Variants in FREM3 observed in about 807,000 individuals in gnomAD.
FREM3 encodes the protein FRAS1 related extracellular matrix 3, also known as FRAS1-related extracellular matrix protein 3.
A neutral mutation model predicts 129.1 loss-of-function variants in FREM3; 105 were observed. That is an observed-to-expected ratio of 0.81 (90% CI 0.69 to 0.96). The LOEUF is 0.96. Among genes scored for constraint, FREM3 ranks in the 40% least tolerant of loss-of-function variants. FREM3 has a pLI of 0.00. For synonymous variants in FREM3, 1,014 were observed against 1,044.9 expected, an observed-to-expected ratio of 0.97 and a Z score of 0.57; for missense variants, 2,593 against 2,666.3, an observed-to-expected ratio of 0.97 and a Z score of 0.61.
At chr4:143,691,179 ATT>A (rs1188861776) in intron 2 of FREM3, among the ~76,000 whole-genome samples, 1 of 152,158 alleles carries the variant, frequency 6.6e-6, no homozygotes, top group African/African-American at 2.4e-5. Context: ...ATCCTCAAAT[ATT>A]TTGGACTCTG....
Position 143,700,217 on chromosome 4 carries a change from C to T in FREM3, c.459G>A (p.Val153=). The T allele has an allele frequency of 2.0e-6, 3 of 1,537,006 alleles. No individual in the cohort carries two copies. Among genetic ancestry groups the T allele is most frequent in the Non-Finnish European group, 2.6e-6 (3 of 1,146,892 alleles). The change falls in exon 1 of 8, where the codon GTG becomes GTA. Residue 153 remains valine, a synonymous_variant. Transcript: ENST00000329798. The part of the protein sequence containing the change: ...LRYDAPTHTL[V]LPFTLAVDLV... ...AGTCCACCGCCAGCGTGAAGGGCAG[C>T]ACCAGAGTGTGAGTCGGGGCGTCGT...
chr4:143,637,179 G>A (rs1739246251), intron 2 of FREM3, among the ~76,000 whole-genome samples: 2 of 152,174 alleles, frequency 1.3e-5, no homozygotes, highest in Admixed American at 1.3e-4. Context: ...ATGCTTCACA[G>A]TGAGAAATGT....
At chr4:143,620,864 G>A (rs893072601) in intron 5 of FREM3, among the ~76,000 whole-genome samples, 173 bp downstream of exon 5, 1 of 152,120 alleles carries the variant, frequency 6.6e-6, no homozygotes. Flanking sequence ...AGAGGAGTAG[G>A]GCACCTGCAC....
At chr4:143,650,035 GC>G in intron 2 of FREM3, among the ~76,000 whole-genome samples, 1 of 152,282 alleles carries the variant, frequency 6.6e-6, no homozygotes, top group Non-Finnish European at 1.5e-5. Context: ...CCCATTCATT[GC>G]TTTTGTCATG....
At position 143,699,626 on chromosome 4, in the gene FREM3, G is replaced by T; in HGVS notation, c.1050C>A (p.Pro350=). The change falls in exon 1 of 8, where the codon CCC becomes CCA. Residue 350 remains proline, a synonymous_variant. Transcript: ENST00000329798. The surrounding 1 kb of genome is among the most constrained non-coding windows in gnomAD (Gnocchi z 4.2). ...GCCCCGGGTGCCCTGGTGGGTGAGT[G>T]GGGGCGTTCAGAATGTTGAACACCA... ...GDLVFNILNA[P]THPPGHPGQQ... The T allele has an allele frequency of 2.0e-6, 3 of 1,530,128 alleles. No individual in the cohort carries two copies. Among genetic ancestry groups the T allele is most frequent in the Non-Finnish European group, 2.6e-6 (3 of 1,142,372 alleles). The allele number at this position is 1,530,128 out of a possible 1,614,324, so 94.8% of individuals were successfully genotyped here.
chr4:143,601,307 T>C (rs1262803430), intron 6 of FREM3, among the ~76,000 whole-genome samples: 1 of 152,204 alleles, frequency 6.6e-6, no homozygotes, highest in Non-Finnish European at 1.5e-5. Flanking sequence ...TTTTCTTAAA[T>C]CTGTCAACAT....
chr4:143,699,495 T>C lies in FREM3; in HGVS notation c.1181A>G (p.Glu394Gly), dbSNP rs536904951. 1 of 1,537,300 alleles carries C rather than the reference T, an allele frequency of 6.5e-7. No homozygotes were observed. Among genetic ancestry groups the C allele is most frequent in the Admixed American group, 2.0e-5 (1 of 51,006 alleles). The stretch of plus-strand genomic sequence containing the variant: ...AAAGAGGCGCTCCCCATGGGAGTTC[T>C]CTGCAGGGGGCTGATAGGCAATCTT... ...ELKIAYQPPAENSHGERLFQL... is the reference protein window; with the variant it reads ...ELKIAYQPPAGNSHGERLFQL... The change falls in exon 1 of 8, where the codon GAG (glutamate) becomes GGG (glycine). Residue 394 changes from glutamate (E) to glycine (G), a missense_variant. Physicochemically the swap from Glu to Gly is moderately conservative, Grantham distance 98. Coordinates refer to ENST00000329798, the MANE Select transcript of FREM3 (RefSeq NM_001168235.2). This position sits in a 1 kb window ranked among gnomAD's most constrained non-coding sequence, Gnocchi z 4.2.
rs1560876360 is a variant in FREM3 at position 143,696,176 on chromosome 4, A to G, written c.4500T>C (p.His1500=). ...CCATCTTTTTCTCATCATTTGAAGT[A>G]TGGACATAGGATATTTTGTTGCTAG... ...QLASNKISYV[H]TSNDEKKMDS... is the part of the protein sequence containing the mutation. The change falls in exon 1 of 8, where the codon CAT becomes CAC. Residue 1500 remains histidine (H), a synonymous_variant. Coordinates refer to ENST00000329798, the MANE Select transcript of FREM3 (RefSeq NM_001168235.2). The G allele has an allele frequency of 6.5e-7, 1 of 1,537,802 alleles. No homozygotes were observed. Among genetic ancestry groups the G allele is most frequent in the Non-Finnish European group, 8.7e-7 (1 of 1,147,048 alleles).
At chr4:143,671,916 T>G (rs1560866323) in intron 2 of FREM3, among the ~76,000 whole-genome samples, 1 of 152,222 alleles carries the variant, frequency 6.6e-6, no homozygotes, top group Non-Finnish European at 1.5e-5. Flanking sequence ...CATTTATTCC[T>G]ACATTCTGAA....
intron 6 of FREM3, among the ~76,000 whole-genome samples, chr4:143,608,434 T>C (rs1294198369): frequency 5.9e-5 from 9 of 152,152 alleles, no homozygotes; most frequent in Non-Finnish European, 1.3e-4. Context: ...AGATCTAATA[T>C]CTGTTGGGTG....
At chr4:143,636,757 A>C (rs1271930683) in intron 2 of FREM3, among the ~76,000 whole-genome samples, 1 of 152,148 alleles carries the variant, frequency 6.6e-6, no homozygotes, top group Non-Finnish European at 1.5e-5. Flanking sequence ...CAAAAATAAA[A>C]ACAAAATAAA....
At chr4:143,604,329 A>T (rs979487803) in intron 6 of FREM3, among the ~76,000 whole-genome samples, 3 of 152,022 alleles carry the variant, frequency 2.0e-5, no homozygotes, top group Non-Finnish European at 4.4e-5. Flanking sequence ...GCAACGCAAA[A>T]GGACTAAGAC....
At position 143,696,024 on chromosome 4, in the gene FREM3, T is replaced by C. The variant is rs1039551663; in HGVS notation, c.4652A>G (p.Asp1551Gly). ...CTCAAGGAGAGTGATCAGTTGGCTA[T>C]CCTCTTTCTGTAGTGTTAGTCTATG... ...TIHRLTLQKEDSQLITLLELT... is the reference protein window; with the variant it reads ...TIHRLTLQKEGSQLITLLELT... Residue 1551 changes from aspartate (D) to glycine (G), a missense_variant, in exon 1 of 8, where the codon GAT becomes GGT. By Grantham distance (94) the Asp-to-Gly change is moderately conservative. Transcript: ENST00000329798. 26 of 1,537,880 alleles carry C rather than the reference T, an allele frequency of 1.7e-5. No individual in the cohort carries two copies. The Middle Eastern group carries it at 6.7e-4, about 39-fold the overall frequency.
intron 2 of FREM3, among the ~76,000 whole-genome samples, chr4:143,687,654 A>G (rs1317763528): frequency 6.6e-6 from 1 of 152,160 alleles, no homozygotes; most frequent in Non-Finnish European, 1.5e-5. Context: ...TATCAAAAAG[A>G]TAATCTACCA....
chr4:143,633,858 C>A (rs1456451748), intron 2 of FREM3, among the ~76,000 whole-genome samples: 2 of 152,040 alleles, frequency 1.3e-5, no homozygotes, highest in Non-Finnish European at 2.9e-5. Context: ...ATGGGCTCTT[C>A]AGAGAGGATA....
chr4:143,691,384 C>A (rs6537168), intron 2 of FREM3, among the ~76,000 whole-genome samples: 6 of 151,744 alleles, frequency 4.0e-5, no homozygotes, highest in Non-Finnish European at 8.8e-5. Context: ...TGTAACCAAA[C>A]ACCACCTGTA....
chr4:143,588,852 TC>T (rs1193186040), intron 6 of FREM3, among the ~76,000 whole-genome samples: 1 of 150,156 alleles, frequency 6.7e-6, no homozygotes, highest in Non-Finnish European at 1.5e-5. Context: ...TAGTTTACAG[TC>T]CCACCAACAG....
intron 2 of FREM3, among the ~76,000 whole-genome samples, chr4:143,636,699 CTAATA>C (rs1335741795): frequency 3.3e-5 from 5 of 151,866 alleles, no homozygotes; most frequent in African/African-American, 1.2e-4. Context: ...ATTCTAATTT[CTAATA>C]TAATCTCCTC....
At chr4:143,605,333 A>G (rs994809570) in intron 6 of FREM3, among the ~76,000 whole-genome samples, 2 of 152,066 alleles carry the variant, frequency 1.3e-5, no homozygotes, top group Non-Finnish European at 2.9e-5. Context: ...AGAAATAGAT[A>G]TTAAGGCTTT....
Sources: gnomAD v4.1 joint callset for allele counts (sites outside exome capture counted in the v4.1 genomes callset) on GRCh38, gnomAD v4.1.1 for gene constraint, Gnocchi (gnomAD v3.1) non-coding constraint, MANE v1.5 for transcripts, NCBI Gene and HGNC (gene_info 2026-07-23, HGNC 2026-07-21) for gene names.